The following TXNDC11 variants were observed in gnomAD, a reference collection of about 807,000 sequenced individuals.
TXNDC11 encodes the protein thioredoxin domain-containing protein 11.
Under a neutral mutation model 78.0 loss-of-function variants are expected in TXNDC11, and 68 were observed. That is an observed-to-expected ratio of 0.87 (90% CI 0.72 to 1.07). The LOEUF (loss-of-function observed/expected upper bound fraction) is 1.07. Among genes scored for constraint, TXNDC11 ranks in the 50% least tolerant of loss-of-function variants. The pLI is 0.00. For missense variants in TXNDC11, 1,389 were observed against 1,221.8 expected (o/e 1.14, Z -2.04); for synonymous variants, 571 against 495.2 (o/e 1.15, Z -2.03).
intron 5 of TXNDC11, among the ~76,000 whole-genome samples, chr16:11,706,799 A>G (rs1313028723): frequency 6.6e-6 from 1 of 152,160 alleles, no homozygotes; most frequent in Admixed American, 6.5e-5. Context: ...ACTATCCTCT[A>G]GTTTGGATAA....
At position 11,741,144 on chromosome 16, in the gene TXNDC11, C is replaced by T. The variant is rs117032079; in HGVS notation, c.254+1333G>A. ...GACAGTACCTGGCCTATGGAAAATGCTCACTGAGAGTTATTATAATTTATC... is the reference window on the plus strand; with the variant it reads ...GACAGTACCTGGCCTATGGAAAATGTTCACTGAGAGTTATTATAATTTATC... On this transcript the variant is annotated intron_variant, in intron 1 of 11. Transcript: ENST00000283033. Among the ~76,000 whole-genome samples, 77 of 152,292 alleles carry T rather than the reference C, an allele frequency of 5.1e-4. 2 individuals are homozygous for T. The East Asian group carries it at 6.5e-3, about 13-fold the overall frequency.
intron 5 of TXNDC11, among the ~76,000 whole-genome samples, chr16:11,717,168 G>C (rs1001041923): frequency 6.6e-6 from 1 of 151,428 alleles, no homozygotes; most frequent in African/African-American, 2.4e-5. Flanking sequence ...GCTTATGCCT[G>C]TAATCCCAGC....
intron 7 of TXNDC11, among the ~76,000 whole-genome samples, chr16:11,692,679 T>G (rs1435661073): frequency 6.6e-6 from 1 of 152,100 alleles, no homozygotes; most frequent in Non-Finnish European, 1.5e-5. Flanking sequence ...TTGGAACGTA[T>G]CACCAAGAAT....
Position 11,692,154 on chromosome 16 carries a change from C to G in TXNDC11, c.1108-72G>C, listed in dbSNP as rs528308632. ...GACTAGCACCCCGTTAGCCACGTTT[C>G]ACTTTCTGTAATTTCAGTTATCCAT... On this transcript the variant is annotated intron_variant, in intron 7 of 11. Coordinates refer to ENST00000283033, the MANE Select transcript of TXNDC11 (RefSeq NM_015914.7). 6.9e-5 allele frequency: 85 copies of G among 1,231,816 alleles called. No individual in the cohort carries two copies. The East Asian group carries it at 1.9e-3, about 27-fold the overall frequency. 76.3% of individuals were successfully genotyped at this position (1,231,816 alleles called of 1,614,324 possible).
intron 1 of TXNDC11, among the ~76,000 whole-genome samples, chr16:11,740,140 C>G (rs1384319377): frequency 1.4e-5 from 2 of 141,114 alleles, no homozygotes; most frequent in African/African-American, 2.9e-5. Context: ...TTGCAGTGAG[C>G]CAAGATAAAA....
Position 11,679,954 on chromosome 16 carries a change from AT to A in TXNDC11, c.2235-118del. On this transcript the variant is annotated intron_variant, in intron 11 of 11. Coordinates refer to ENST00000283033, the MANE Select transcript of TXNDC11 (RefSeq NM_015914.7). This position sits in a 1 kb window ranked among gnomAD's most constrained non-coding sequence, Gnocchi z 4.6. The stretch of plus-strand genomic sequence containing the variant: ...CTCACCAAGAAAAGACGTTCCGTGG[AT>A]TTTACTTACTGAAAGTAAGGAAAAT... 1 of 917,388 alleles carries A rather than the reference AT, an allele frequency of 1.1e-6. No individual in the cohort carries two copies. The highest frequency in any genetic ancestry group is 1.6e-6 in the Non-Finnish European group (1 of 608,688). 56.8% of individuals were successfully genotyped at this position (917,388 alleles called of 1,614,324 possible).
chr16:11,741,721 T>C (rs769621867), intron 1 of TXNDC11, among the ~76,000 whole-genome samples: 2 of 152,248 alleles, frequency 1.3e-5, no homozygotes, highest in Non-Finnish European at 1.5e-5. Context: ...GTCCGGCACA[T>C]AGTAGGTGCA....
chr16:11,718,026 A>T (rs1057402152), intron 5 of TXNDC11, among the ~76,000 whole-genome samples: 2 of 152,116 alleles, frequency 1.3e-5, no homozygotes, highest in Non-Finnish European at 2.9e-5. Context: ...CTTTCTTTTA[A>T]TGTGTAAAAA....
At chr16:11,707,719 G>C (rs1490350307) in intron 5 of TXNDC11, among the ~76,000 whole-genome samples, 1 of 151,898 alleles carries the variant, frequency 6.6e-6, no homozygotes, top group Non-Finnish European at 1.5e-5. Flanking sequence ...AAAGTGTTGG[G>C]ATTACAGACC....
intron 5 of TXNDC11, among the ~76,000 whole-genome samples, chr16:11,719,821 A>C (rs570020557): frequency 5.3e-5 from 8 of 152,344 alleles, no homozygotes; most frequent in Non-Finnish European, 1.2e-4. Flanking sequence ...TGCTACAAAA[A>C]AACAACAGGG....
At chr16:11,719,372 T>G (rs1219134571) in intron 5 of TXNDC11, among the ~76,000 whole-genome samples, 1 of 152,250 alleles carries the variant, frequency 6.6e-6, no homozygotes, top group Non-Finnish European at 1.5e-5. Flanking sequence ...TTGCTAAGTC[T>G]GCTTAGTCAC....
intron 6 of TXNDC11, 56 bp from the exon 7 acceptor site, chr16:11,698,381 C>T (rs901355962): frequency 6.6e-7 from 1 of 1,517,476 alleles, no homozygotes; most frequent in African/African-American, 1.4e-5. Context: ...GGGGCAAGCT[C>T]AAGGCACATC....
At position 11,700,528 on chromosome 16, in the gene TXNDC11, T is replaced by C. The variant is rs1284271301; in HGVS notation, c.830A>G (p.Asn277Ser). ...LGTVRFGVIT[N>S]KHLAKLVSLV... ...GGATACCAGTTTCGCAAGATGTTTA[T>C]TTGTGATAACCCCAAATCGTACTGT... The change falls in exon 6 of 12, where the codon AAT (asparagine) becomes AGT (serine). Residue 277 changes from asparagine (N) to serine (S), a missense_variant. Physicochemically the swap from Asn to Ser is conservative, Grantham distance 46. Coordinates refer to ENST00000283033, the MANE Select transcript of TXNDC11 (RefSeq NM_015914.7). The C allele has an allele frequency of 5.0e-6, 8 of 1,608,078 alleles. No individual in the cohort carries two copies. The highest frequency in any genetic ancestry group is 1.3e-5 in the African/African-American group (1 of 74,864).
intron 5 of TXNDC11, among the ~76,000 whole-genome samples, chr16:11,714,306 G>A (rs1644392590): frequency 6.6e-6 from 1 of 152,156 alleles, no homozygotes; most frequent in African/African-American, 2.4e-5. Flanking sequence ...TTACAGGCGT[G>A]AGCCACCGTG....
intron 10 of TXNDC11, among the ~76,000 whole-genome samples, chr16:11,686,722 C>T (rs943990778): frequency 5.9e-5 from 9 of 152,206 alleles, no homozygotes; most frequent in African/African-American, 2.2e-4. Context: ...TTTATTTACT[C>T]TCTCCTCTTA....
intron 5 of TXNDC11, among the ~76,000 whole-genome samples, chr16:11,714,401 G>A (rs1480991867): frequency 2.0e-5 from 3 of 152,192 alleles, no homozygotes; most frequent in Non-Finnish European, 4.4e-5. Flanking sequence ...AGCACTTTGG[G>A]AGGCCGAGGT....
At chr16:11,732,058 T>C (rs1319064019) in intron 3 of TXNDC11, among the ~76,000 whole-genome samples, 1 of 152,196 alleles carries the variant, frequency 6.6e-6, no homozygotes, top group African/African-American at 2.4e-5. Context: ...TTCTAGTGAC[T>C]TGTAAAAGCT....
At chr16:11,686,503 T>C (rs745663462) in intron 10 of TXNDC11, among the ~76,000 whole-genome samples, 3 of 152,224 alleles carry the variant, frequency 2.0e-5, no homozygotes, top group Non-Finnish European at 4.4e-5. Context: ...GTTAACTGTT[T>C]TTGTTGATTT....
intron 5 of TXNDC11, among the ~76,000 whole-genome samples, chr16:11,707,323 G>A (rs2051211274): frequency 6.6e-6 from 1 of 150,978 alleles, no homozygotes; most frequent in East Asian, 1.9e-4. Context: ...GGAGGCTGAG[G>A]CAGGAGAATC....
Sources: allele counts gnomAD v4.1 joint callset (sites outside exome capture counted in the v4.1 genomes callset), GRCh38; gene constraint gnomAD v4.1.1; non-coding constraint Gnocchi (gnomAD v3.1); transcripts MANE v1.5; gene names NCBI Gene and HGNC (gene_info 2026-07-23, HGNC 2026-07-21).